The following ZFAT variants were observed in gnomAD, a reference collection of about 807,000 sequenced individuals.
ZFAT encodes zinc finger and AT-hook domain containing.
A neutral mutation model predicts 117.7 loss-of-function variants in ZFAT; 64 were observed. The observed-to-expected ratio is 0.54, with a 90% CI of 0.44 to 0.67. The LOEUF is 0.67. Among genes scored for constraint, ZFAT ranks in the 30% least tolerant of loss-of-function variants. The probability of loss-of-function intolerance (pLI) is 0.00; values close to 1 mark genes in which losing one functional copy is unlikely to be tolerated. For missense variants in ZFAT, 1,433 were observed against 1,584.5 expected (o/e 0.90, Z 1.62); for synonymous variants, 679 against 615.0 (o/e 1.10, Z -1.54).
At chr8:134,739,462 C>A in the ZFAT span, among the ~76,000 whole-genome samples, 1 of 152,204 alleles carries the variant, frequency 6.6e-6, no homozygotes. Context: ...AGCTTCATAA[C>A]CTAGGGCAGG....
chr8:134,634,460 CT>C (rs1175213916), intron 3 of ZFAT, among the ~76,000 whole-genome samples: 2 of 149,722 alleles, frequency 1.3e-5, no homozygotes, highest in Non-Finnish European at 3.0e-5. Context: ...TTCTCAGACA[CT>C]TCTGGAATAT....
chr8:134,568,044 T>A (rs1824601896), intron 10 of ZFAT, among the ~76,000 whole-genome samples: 2 of 152,242 alleles, frequency 1.3e-5, no homozygotes, highest in African/African-American at 4.8e-5. Context: ...CTCATCTTGG[T>A]ACCCCAGCAC....
At chr8:134,480,229 C>G (rs1238180855) in intron 15 of ZFAT, among the ~76,000 whole-genome samples, 1 of 152,140 alleles carries the variant, frequency 6.6e-6, no homozygotes, top group Non-Finnish European at 1.5e-5. Context: ...CCCAAAGTGC[C>G]GGGATTACAG....
intron 1 of ZFAT, chr8:134,696,600 C>T: frequency 1.0e-6 from 1 of 986,020 alleles, no homozygotes; most frequent in Non-Finnish European, 1.2e-6. Context: ...GCTGGCACCA[C>T]CCACCCGCGC....
At chr8:134,695,913 C>G (rs936954782) in intron 1 of ZFAT, among the ~76,000 whole-genome samples, 10 of 149,820 alleles carry the variant, frequency 6.7e-5, no homozygotes, top group Middle Eastern at 3.6e-3. Flanking sequence ...CATCTCTAAC[C>G]AAGGAGGCGC....
chr8:134,623,179 C>G (rs1268118294), intron 3 of ZFAT, among the ~76,000 whole-genome samples: 2 of 152,136 alleles, frequency 1.3e-5, no homozygotes, highest in Admixed American at 1.3e-4. Context: ...AAGTCAGCAA[C>G]GAGGCACACC....
chr8:134,780,658 A>G, the ZFAT span, among the ~76,000 whole-genome samples: 1,492 of 152,356 alleles, frequency 9.8e-3, 10 homozygotes, highest in Middle Eastern at 0.017. Context: ...TTCACATGAG[A>G]AACAAGGATA....
intron 13 of ZFAT, among the ~76,000 whole-genome samples, chr8:134,517,533 A>G (rs1429985419): frequency 6.6e-6 from 1 of 152,188 alleles, no homozygotes; most frequent in East Asian, 1.9e-4. Flanking sequence ...TAATCTTAAC[A>G]TCTTTCGTAA....
the ZFAT span, among the ~76,000 whole-genome samples, chr8:134,720,243 C>T: frequency 6.6e-6 from 1 of 152,240 alleles, no homozygotes; most frequent in Non-Finnish European, 1.5e-5. Context: ...CCCAGCTGAA[C>T]CAGTCAACCC....
chr8:134,667,949 CAGG>C (rs1250375919), intron 1 of ZFAT, among the ~76,000 whole-genome samples: 1 of 152,172 alleles, frequency 6.6e-6, no homozygotes, highest in African/African-American at 2.4e-5. Flanking sequence ...AACAGCACAC[CAGG>C]AGATTATATC....
At chr8:134,830,996 G>A in the ZFAT span, among the ~76,000 whole-genome samples, 1 of 152,192 alleles carries the variant, frequency 6.6e-6, no homozygotes, top group Non-Finnish European at 1.5e-5. Flanking sequence ...GGACTGTCTC[G>A]TAAATTACTT....
intron 15 of ZFAT, among the ~76,000 whole-genome samples, chr8:134,490,970 C>T (rs570464047): frequency 7.9e-5 from 12 of 152,324 alleles, no homozygotes; most frequent in Middle Eastern, 6.8e-3. Context: ...CGGCAGAACC[C>T]TCCATCCCTT....
the ZFAT span, among the ~76,000 whole-genome samples, chr8:134,825,292 G>A: frequency 1.7e-4 from 26 of 152,166 alleles, no homozygotes; most frequent in Non-Finnish European, 3.5e-4. Flanking sequence ...GTTTTAGAAC[G>A]AAACAATTAC....
At chr8:134,550,310 G>GAAAAAAAAAAAAAAAAAAAAAAAAAA (rs10680896) in intron 11 of ZFAT, among the ~76,000 whole-genome samples, 1 of 72,534 alleles carries the variant, frequency 1.4e-5, no homozygotes, top group Non-Finnish European at 2.6e-5. Flanking sequence ...GGTCACAACG[G>GAAAAAAAAAAAAAAAAAAAAAAAAAA]AAAAAAAAAA....
At chr8:134,548,240 C>A (rs559516799) in intron 11 of ZFAT, among the ~76,000 whole-genome samples, 128 of 152,338 alleles carry the variant, frequency 8.4e-4, no homozygotes, top group African/African-American at 2.8e-3. Context: ...AATTTACATT[C>A]TAGCATTATG....
intron 15 of ZFAT, among the ~76,000 whole-genome samples, chr8:134,500,157 A>G (rs1343103733): frequency 1.3e-5 from 2 of 152,250 alleles, no homozygotes; most frequent in East Asian, 1.9e-4. Flanking sequence ...TCAGCCAGCA[A>G]GGACAACTTC....
At chr8:134,626,279 C>T (rs1439447961) in intron 3 of ZFAT, among the ~76,000 whole-genome samples, 1 of 152,140 alleles carries the variant, frequency 6.6e-6, no homozygotes, top group Admixed American at 6.5e-5. Context: ...GGAGGACCAC[C>T]CAATCAGCAG....
chr8:134,657,802 GC>G, intron 1 of ZFAT, 65 bp from the exon 2 acceptor site: 1 of 1,533,206 alleles, frequency 6.5e-7, no homozygotes, highest in East Asian at 2.3e-5. Context: ...ACTTCCAATT[GC>G]CAAAGACAAT....
upstream of ZFAT, among the ~76,000 whole-genome samples, chr8:134,714,112 C>T (rs535963947): frequency 3.0e-5 from 4 of 135,164 alleles, no homozygotes; most frequent in African/African-American, 8.4e-5. Flanking sequence ...GACATGCCCC[C>T]CCCCCCCCAA....
Sources: allele counts gnomAD v4.1 joint callset (sites outside exome capture counted in the v4.1 genomes callset), GRCh38; gene constraint gnomAD v4.1.1; transcripts MANE v1.5; gene names NCBI Gene and HGNC (gene_info 2026-07-23, HGNC 2026-07-21).